Variants in RUNX2 observed in about 807,000 individuals in gnomAD.
RUNX2 encodes the protein RUNX family transcription factor 2.
Under a neutral mutation model 51.7 loss-of-function variants are expected in RUNX2, and 10 were observed. The observed-to-expected ratio is 0.19, with a 90% CI of 0.12 to 0.33. The LOEUF is 0.33. RUNX2 is among the 10% of genes least tolerant of loss of function. The pLI is 1.00. For synonymous variants in RUNX2, 276 were observed against 273.6 expected (o/e 1.01, Z -0.09); for missense variants, 562 against 691.3 (o/e 0.81, Z 2.10).
At chr6:45,467,147 G>A (rs1367519311) in intron 5 of RUNX2, among the ~76,000 whole-genome samples, 1 of 152,058 alleles carries the variant, frequency 6.6e-6, no homozygotes, top group Non-Finnish European at 1.5e-5. Flanking sequence ...ATGATCCTTG[G>A]CCTCTTTGCA....
At chr6:45,431,793 T>C in intron 3 of RUNX2, 70 bp from the exon 4 acceptor site, 1 of 1,530,574 alleles carries the variant, frequency 6.5e-7, no homozygotes, top group Admixed American at 1.7e-5. Flanking sequence ...TCATTTGCAA[T>C]GAGAATATAT....
intron 7 of RUNX2, among the ~76,000 whole-genome samples, chr6:45,531,697 G>A (rs993354479): frequency 6.6e-6 from 1 of 152,052 alleles, no homozygotes; most frequent in Non-Finnish European, 1.5e-5. Context: ...AGGCTGTGGT[G>A]AGCCGAGATG....
chr6:45,461,167 G>A (rs1295121799), intron 5 of RUNX2, among the ~76,000 whole-genome samples: 2 of 152,172 alleles, frequency 1.3e-5, no homozygotes, highest in African/African-American at 4.8e-5. Flanking sequence ...GTAGAATCAG[G>A]CTAATGATGC....
intron 3 of RUNX2, among the ~76,000 whole-genome samples, chr6:45,425,071 C>A (rs1798348180): frequency 6.6e-6 from 1 of 151,862 alleles, no homozygotes; most frequent in South Asian, 2.1e-4. Context: ...CCCCAAAAAC[C>A]CCAAACCTGG....
At chr6:45,393,493 G>A (rs560781625) in intron 2 of RUNX2, among the ~76,000 whole-genome samples, 2 of 151,912 alleles carry the variant, frequency 1.3e-5, no homozygotes, top group South Asian at 2.1e-4. Context: ...TGCAATGGCC[G>A]ATCTCAGCTC....
intron 2 of RUNX2, among the ~76,000 whole-genome samples, chr6:45,375,820 T>G (rs1263358167): frequency 6.6e-6 from 1 of 151,124 alleles, no homozygotes; most frequent in Non-Finnish European, 1.5e-5. Context: ...TTATATACAC[T>G]TGCTTTAAAA....
At chr6:45,368,686 G>A (rs1795549784) in intron 2 of RUNX2, among the ~76,000 whole-genome samples, 1 of 152,092 alleles carries the variant, frequency 6.6e-6, no homozygotes, top group African/African-American at 2.4e-5. Flanking sequence ...CACTAAAAGA[G>A]AGAAGTTTTA....
At chr6:45,329,537 T>C (rs899826337) in intron 2 of RUNX2, among the ~76,000 whole-genome samples, 11 of 151,974 alleles carry the variant, frequency 7.2e-5, no homozygotes, top group Non-Finnish European at 1.2e-4. Context: ...CTGTTATCCA[T>C]AGACCTTGTT....
intron 3 of RUNX2, 146 bp from the exon 4 acceptor site, chr6:45,431,717 A>G (rs1798547318): frequency 2.1e-6 from 2 of 934,600 alleles, no homozygotes; most frequent in Middle Eastern, 3.2e-4. Flanking sequence ...CAACCCATAC[A>G]CAGATGCTTC....
At chr6:45,394,128 G>A (rs1314858721) in intron 2 of RUNX2, among the ~76,000 whole-genome samples, 1 of 151,740 alleles carries the variant, frequency 6.6e-6, no homozygotes, top group Non-Finnish European at 1.5e-5. Flanking sequence ...GTTCAGGCTG[G>A]TCGTGATCCG....
At chr6:45,504,628 G>A (rs1175841343) in intron 6 of RUNX2, among the ~76,000 whole-genome samples, 1 of 148,036 alleles carries the variant, frequency 6.8e-6, no homozygotes, top group Admixed American at 6.7e-5. Context: ...AGTGTAGATT[G>A]TTTTGAAATG....
intron 6 of RUNX2, among the ~76,000 whole-genome samples, chr6:45,505,741 T>C (rs890858632): frequency 9.9e-5 from 15 of 152,156 alleles, no homozygotes; most frequent in Admixed American, 9.2e-4. Context: ...CTTTTATGTT[T>C]TGTGGTTTAT....
chr6:45,417,938 C>T (rs1164918610), intron 2 of RUNX2, among the ~76,000 whole-genome samples: 1 of 152,192 alleles, frequency 6.6e-6, no homozygotes, highest in South Asian at 2.1e-4. Flanking sequence ...AGTATGACGA[C>T]TCCTGGTCTA....
chr6:45,398,464 A>AAT (rs746988424), intron 2 of RUNX2, among the ~76,000 whole-genome samples: 27 of 152,334 alleles, frequency 1.8e-4, no homozygotes, highest in Admixed American at 3.3e-4. Context: ...TTTTGAAACC[A>AAT]ATATATATAA....
At chr6:45,384,665 TA>T (rs1421096146) in intron 2 of RUNX2, among the ~76,000 whole-genome samples, 2 of 151,016 alleles carry the variant, frequency 1.3e-5, no homozygotes. Flanking sequence ...ATAGTACTAT[TA>T]AACACAAAAT....
intron 6 of RUNX2, among the ~76,000 whole-genome samples, chr6:45,510,131 A>G (rs1024337932): frequency 6.6e-6 from 1 of 152,222 alleles, no homozygotes; most frequent in African/African-American, 2.4e-5. Flanking sequence ...GTATGTCAAT[A>G]TCAGATATAT....
chr6:45,331,705 G>C (rs556693444), intron 2 of RUNX2, among the ~76,000 whole-genome samples: 1 of 151,896 alleles, frequency 6.6e-6, no homozygotes, highest in East Asian at 1.9e-4. Context: ...AGAAATTGTG[G>C]AAAAAGATCT....
At chr6:45,430,915 G>A (rs998265349) in intron 3 of RUNX2, among the ~76,000 whole-genome samples, 1 of 152,184 alleles carries the variant, frequency 6.6e-6, no homozygotes, top group East Asian at 1.9e-4. Flanking sequence ...GGATTAGGAG[G>A]AGTGTTTCAT....
At chr6:45,467,753 A>G (rs374957529) in intron 5 of RUNX2, among the ~76,000 whole-genome samples, 7 of 152,140 alleles carry the variant, frequency 4.6e-5, no homozygotes, top group African/African-American at 1.7e-4. Flanking sequence ...CTTAATGAAC[A>G]ACTCCCAAAT....
Sources: allele counts gnomAD v4.1 joint callset (sites outside exome capture counted in the v4.1 genomes callset), GRCh38; gene constraint gnomAD v4.1.1; transcripts MANE v1.5; gene names NCBI Gene and HGNC (gene_info 2026-07-23, HGNC 2026-07-21).